Variants in MACC1 observed in about 807,000 individuals in gnomAD.
MACC1 encodes MET transcriptional regulator MACC1.
Under a neutral mutation model 70.7 loss-of-function variants are expected in MACC1, and 79 were observed. The observed-to-expected ratio is 1.12, with a 90% CI of 0.93 to 1.35. The LOEUF (loss-of-function observed/expected upper bound fraction) is 1.35. Among genes scored for constraint, MACC1 ranks in the 40% most tolerant of loss-of-function variants. The probability of loss-of-function intolerance (pLI) is 0.00; values close to 1 mark genes in which losing one functional copy is unlikely to be tolerated. For missense variants in MACC1, 1,106 were observed against 978.1 expected (o/e 1.13, Z -1.74); for synonymous variants, 361 against 347.2 (o/e 1.04, Z -0.44).
At chr7:20,204,911 A>AT (rs1200849239) in intron 1 of MACC1, among the ~76,000 whole-genome samples, 1 of 152,186 alleles carries the variant, frequency 6.6e-6, no homozygotes, top group Non-Finnish European at 1.5e-5. Context: ...GAGATTGTAC[A>AT]TTTTTTAACT....
At chr7:20,174,136 T>C (rs543214041) in intron 1 of MACC1, among the ~76,000 whole-genome samples, 43 of 152,296 alleles carry the variant, frequency 2.8e-4, no homozygotes, top group African/African-American at 1.0e-3. Flanking sequence ...CTTAGCATAA[T>C]TCTAGAATAA....
At chr7:20,215,380 A>G (rs73685456) in intron 1 of MACC1, among the ~76,000 whole-genome samples, 1,941 of 152,278 alleles carry the variant, frequency 0.013, 43 homozygotes, top group African/African-American at 0.045. Context: ...ATCTTTGTCA[A>G]TTGAATGAAT....
chr7:20,162,945 G>A (rs1782160014), intron 3 of MACC1, among the ~76,000 whole-genome samples: 1 of 151,992 alleles, frequency 6.6e-6, no homozygotes, highest in African/African-American at 2.4e-5. Flanking sequence ...ATTAGAATAA[G>A]ACATCCTATA....
At chr7:20,148,167 A>G (rs772304550) in intron 6 of MACC1, among the ~76,000 whole-genome samples, 39 of 142,858 alleles carry the variant, frequency 2.7e-4, no homozygotes, top group Admixed American at 1.6e-3. Context: ...CTTCTGGCAA[A>G]TGAGAAAAAA....
In MACC1 at chr7:20,159,701, A is replaced by G. The variant is rs1174885550; in HGVS notation, c.660T>C (p.His220=). Residue 220 remains histidine, a synonymous_variant, in exon 5 of 7, where the codon CAT becomes CAC. Transcript: ENST00000400331. Reference sequence around the variant, plus strand: ...CAGGTAATTGTACTGACCCTCCTTGATGGTTTACTTTGCAAGCTATGGTGA... The same window carrying G: ...CAGGTAATTGTACTGACCCTCCTTGGTGGTTTACTTTGCAAGCTATGGTGA... ...AEVTIACKVN[H]QGGSVQLPES... 4.3e-6 allele frequency: 7 copies of G among 1,614,098 alleles called. No individual in the cohort carries two copies. Among genetic ancestry groups the G allele is most frequent in the Non-Finnish European group, 5.9e-6 (7 of 1,180,000 alleles).
intron 1 of MACC1, among the ~76,000 whole-genome samples, chr7:20,190,761 T>G (rs982086569): frequency 6.6e-6 from 1 of 152,250 alleles, no homozygotes; most frequent in Non-Finnish European, 1.5e-5. Context: ...CTGTGAACTG[T>G]TAATGACAGA....
intron 1 of MACC1, among the ~76,000 whole-genome samples, chr7:20,194,879 T>C (rs999641380): frequency 1.3e-5 from 2 of 152,200 alleles, no homozygotes; most frequent in Admixed American, 1.3e-4. Flanking sequence ...CCTAACAAAA[T>C]TGCCTTTATA....
intron 6 of MACC1, among the ~76,000 whole-genome samples, chr7:20,144,698 A>G (rs1337679467): frequency 6.6e-6 from 1 of 152,182 alleles, no homozygotes; most frequent in African/African-American, 2.4e-5. Flanking sequence ...AAGGGAGGGT[A>G]TCTGATAAAA....
chr7:20,171,460 T>C (rs1474500346), intron 1 of MACC1, among the ~76,000 whole-genome samples: 1 of 151,772 alleles, frequency 6.6e-6, no homozygotes, highest in Admixed American at 6.6e-5. Flanking sequence ...TTCACCGTGT[T>C]AGCCAGGATG....
intron 1 of MACC1, among the ~76,000 whole-genome samples, chr7:20,179,121 A>G (rs1782459715): frequency 6.6e-6 from 1 of 151,928 alleles, no homozygotes; most frequent in South Asian, 2.1e-4. Context: ...CAATTTGTTG[A>G]GGTTTTCTTT....
Position 20,158,722 on chromosome 7 carries a change from T to C in MACC1, c.1639A>G (p.Thr547Ala). ...ACCCCATAGTTGCTAAAGTTCAATG[T>C]TTTATCTTGAAATGTAGGATATTTA... ...LVKYPTFQDK[T>A]LNFSNYGVTL... The change falls in exon 5 of 7, where the codon ACA (threonine) becomes GCA (alanine). Residue 547 changes from threonine (T) to alanine (A), a missense_variant. By Grantham distance (58) the Thr-to-Ala change is moderately conservative (BLOSUM62 0). Coordinates refer to ENST00000400331, the MANE Select transcript of MACC1 (RefSeq NM_182762.4). 1 of 1,613,896 alleles carries C rather than the reference T, an allele frequency of 6.2e-7. No individual in the cohort carries two copies. The highest frequency in any genetic ancestry group is 8.5e-7 in the Non-Finnish European group (1 of 1,179,990).
At chr7:20,153,977 A>G (rs556360404) in intron 6 of MACC1, among the ~76,000 whole-genome samples, 5 of 152,178 alleles carry the variant, frequency 3.3e-5, no homozygotes, top group Non-Finnish European at 7.4e-5. Context: ...GAAATCCAAA[A>G]GAAGAAACAT....
intron 1 of MACC1, among the ~76,000 whole-genome samples, chr7:20,172,147 A>C (rs892190712): frequency 6.6e-6 from 1 of 152,248 alleles, no homozygotes; most frequent in Admixed American, 6.5e-5. Flanking sequence ...TTCAGGAAAC[A>C]TTTATAGTGT....
chr7:20,201,805 A>C (rs965863406), intron 1 of MACC1, among the ~76,000 whole-genome samples: 4 of 152,210 alleles, frequency 2.6e-5, no homozygotes, highest in Non-Finnish European at 5.9e-5. Context: ...TTTGCACTTA[A>C]GACCACCTTA....
At chr7:20,214,404 A>T (rs1485649433) in intron 1 of MACC1, among the ~76,000 whole-genome samples, 5 of 151,954 alleles carry the variant, frequency 3.3e-5, no homozygotes, top group Admixed American at 6.6e-5. Context: ...TGTTTCCCAA[A>T]CTTCACTCAT....
At chr7:20,161,938 A>G (rs1782144853) in intron 3 of MACC1, 68 bp from the exon 4 acceptor site, 3 of 918,790 alleles carry the variant, frequency 3.3e-6, no homozygotes, top group South Asian at 2.7e-5. Context: ...AAATAAACTC[A>G]AAGACATCAT....
intron 1 of MACC1, among the ~76,000 whole-genome samples, chr7:20,184,009 CT>C (rs1319899016): frequency 6.6e-6 from 1 of 152,046 alleles, no homozygotes; most frequent in Non-Finnish European, 1.5e-5. Flanking sequence ...CACCTGGCCC[CT>C]GATTCTAACT....
In MACC1 at chr7:20,159,505, G is replaced by A; in HGVS notation, c.856C>T (p.Leu286Phe). The change falls in exon 5 of 7, where the codon CTT (leucine) becomes TTT (phenylalanine). Residue 286 changes from leucine to phenylalanine, a missense_variant. Transcript: ENST00000400331. ...GCCCCAATTTTCATCTCCAGCAAAA[G>A]GGCTTCCATTGTATTGAGGTTGCCT... is the stretch of plus-strand genomic sequence containing the variant. ...MLGNLNTMEA[L>F]LLEMKIGAEV... is the part of the protein sequence containing the mutation. 1 of 1,614,042 alleles carries A rather than the reference G, an allele frequency of 6.2e-7. No individual in the cohort carries two copies.
chr7:20,168,885 G>A (rs74954942), intron 2 of MACC1, among the ~76,000 whole-genome samples: 10,021 of 152,230 alleles, frequency 0.066, 447 homozygotes, highest in Non-Finnish European at 0.1. Context: ...TTCTTTTGAA[G>A]ACCCAAACAA....
Sources: gnomAD v4.1 joint callset for allele counts (sites outside exome capture counted in the v4.1 genomes callset) on GRCh38, gnomAD v4.1.1 for gene constraint, MANE v1.5 for transcripts, NCBI Gene and HGNC (gene_info 2026-07-23, HGNC 2026-07-21) for gene names.